DTNA: variants seen among roughly 807,000 people sequenced by gnomAD.
DTNA encodes the protein dystrophin-related protein 3.
In DTNA, 43 loss-of-function variants were observed where a neutral mutation model predicts 100.7. That is an observed-to-expected ratio of 0.43 (90% CI 0.33 to 0.55). The LOEUF is 0.55. Among genes scored for constraint, DTNA ranks in the 20% least tolerant of loss-of-function variants. The probability of loss-of-function intolerance (pLI) is 0.04; values close to 1 mark genes in which losing one functional copy is unlikely to be tolerated. For synonymous variants in DTNA, 349 were observed against 347.9 expected (o/e 1.00, Z -0.04); for missense variants, 798 against 953.9 (o/e 0.84, Z 2.15).
At chr18:34,774,753 G>A (rs142408044) in intron 3 of DTNA, among the ~76,000 whole-genome samples, 324 of 152,286 alleles carry the variant, frequency 2.1e-3, no homozygotes, top group African/African-American at 7.6e-3. Context: ...AAGCAAAAGA[G>A]AGATAGAAGT....
At chr18:34,721,820 C>A (rs1239731905) in intron 1 of DTNA, among the ~76,000 whole-genome samples, 2 of 152,178 alleles carry the variant, frequency 1.3e-5, no homozygotes, top group Non-Finnish European at 2.9e-5. Context: ...CCTTCCCTTA[C>A]CTGACATTGC....
At chr18:34,675,532 G>T (rs1167122473) in intron 1 of DTNA, among the ~76,000 whole-genome samples, 1 of 152,008 alleles carries the variant, frequency 6.6e-6, no homozygotes, top group Non-Finnish European at 1.5e-5. Context: ...AAGGGTAAGA[G>T]AAAGGAAATT....
intron 1 of DTNA, among the ~76,000 whole-genome samples, chr18:34,498,493 TA>T (rs1295100637): frequency 6.8e-6 from 1 of 147,944 alleles, no homozygotes; most frequent in Admixed American, 6.8e-5. Context: ...TTTAATCACC[TA>T]AAAATGATTT....
At chr18:34,679,330 C>T (rs1030646495) in intron 1 of DTNA, 4 of 152,142 alleles carry the variant, frequency 2.6e-5, no homozygotes, top group African/African-American at 9.7e-5. Flanking sequence ...TTCTAAATTG[C>T]ATACGTTATT....
intron 1 of DTNA, among the ~76,000 whole-genome samples, chr18:34,497,898 A>C (rs1206493009): frequency 6.6e-6 from 1 of 152,214 alleles, no homozygotes; most frequent in Non-Finnish European, 1.5e-5. Context: ...AATTTTTAAA[A>C]TCAAAAGTAC....
intron 2 of DTNA, among the ~76,000 whole-genome samples, chr18:34,761,517 G>A (rs550125656): frequency 3.3e-5 from 5 of 152,168 alleles, no homozygotes; most frequent in Non-Finnish European, 7.4e-5. Context: ...GGAGAGAGAG[G>A]GAAGTAGGGA....
intron 12 of DTNA, 58 bp from the exon 13 acceptor site, chr18:34,838,687 A>T: frequency 6.9e-7 from 1 of 1,455,066 alleles, no homozygotes; most frequent in Non-Finnish European, 9.7e-7. Flanking sequence ...TACCTCCTCT[A>T]CTTATTTCTG....
intron 1 of DTNA, among the ~76,000 whole-genome samples, chr18:34,736,500 A>G (rs2089621167): frequency 6.6e-6 from 1 of 152,190 alleles, no homozygotes; most frequent in African/African-American, 2.4e-5. Flanking sequence ...AGATAAGAAG[A>G]AAAAATGGAA....
intron 15 of DTNA, among the ~76,000 whole-genome samples, chr18:34,853,754 T>C (rs1258356626): frequency 6.6e-6 from 1 of 152,108 alleles, no homozygotes; most frequent in East Asian, 1.9e-4. Flanking sequence ...AAAGAGCAGA[T>C]GCATAGTGAC....
chr18:34,817,992 A>G, intron 7 of DTNA, 172 bp from the exon 8 acceptor site: 3 of 1,508,824 alleles, frequency 2.0e-6, no homozygotes, highest in Non-Finnish European at 2.7e-6. Context: ...GCATGATTGA[A>G]AAGGGTTGTA....
chr18:34,537,383 A>G (rs2043818706), intron 1 of DTNA, among the ~76,000 whole-genome samples: 1 of 152,036 alleles, frequency 6.6e-6, no homozygotes, highest in Non-Finnish European at 1.5e-5. Flanking sequence ...TGAATATCAC[A>G]AGAAAAGTCA....
chr18:34,777,009 C>T (rs754603641), intron 3 of DTNA, among the ~76,000 whole-genome samples: 1 of 152,234 alleles, frequency 6.6e-6, no homozygotes, highest in Non-Finnish European at 1.5e-5. Context: ...TCTTTGCTCA[C>T]TTGTCATCTT....
intron 1 of DTNA, among the ~76,000 whole-genome samples, chr18:34,702,199 C>T (rs2081473462): frequency 6.6e-6 from 1 of 152,134 alleles, no homozygotes; most frequent in African/African-American, 2.4e-5. Flanking sequence ...TCCCTCGCCT[C>T]CTTTTTCACA....
intron 4 of DTNA, among the ~76,000 whole-genome samples, chr18:34,802,277 C>T (rs1377714188): frequency 6.6e-6 from 1 of 152,206 alleles, no homozygotes; most frequent in Non-Finnish European, 1.5e-5. Flanking sequence ...TCCATCGGTG[C>T]AGTTTTACTA....
chr18:34,648,799 ATAGAT>A (rs929256886), intron 1 of DTNA, among the ~76,000 whole-genome samples: 10 of 152,258 alleles, frequency 6.6e-5, no homozygotes, highest in African/African-American at 1.7e-4. Flanking sequence ...TCTTCAAGAA[ATAGAT>A]TAGGTAAGTT....
intron 18 of DTNA, among the ~76,000 whole-genome samples, chr18:34,876,561 T>C (rs996345932): frequency 1.3e-5 from 2 of 152,186 alleles, no homozygotes; most frequent in Non-Finnish European, 2.9e-5. Context: ...TACAGAAATA[T>C]AAATTTTAAT....
chr18:34,856,848 G>C (rs1449484797), intron 15 of DTNA, among the ~76,000 whole-genome samples: 1 of 152,184 alleles, frequency 6.6e-6, no homozygotes, highest in Non-Finnish European at 1.5e-5. Context: ...CAGAGCTGTT[G>C]CTCTCTTTTC....
At position 34,836,635 on chromosome 18, in the gene DTNA, G is replaced by A. The variant is rs899482887; in HGVS notation, c.1176-1459G>A. 2.3e-4 allele frequency among the ~76,000 whole-genome samples: 32 copies of A among 138,486 alleles called. 1 individual carries two copies. In the South Asian group the frequency reaches 5.0e-3, roughly 22 times the overall value. 90.9% of individuals were successfully genotyped at this position (138,486 alleles called of 152,430 possible). On this transcript the variant is annotated intron_variant, in intron 11 of 22. Coordinates refer to ENST00000444659, the MANE Select transcript of DTNA (RefSeq NM_001386795.1). Reference sequence around the variant, plus strand: ...TGCACTCCAGCCTGTGCAACAGAGCGAGACTCTGTCTCAAAAAAAAAAAAA... The same window carrying A: ...TGCACTCCAGCCTGTGCAACAGAGCAAGACTCTGTCTCAAAAAAAAAAAAA...
intron 18 of DTNA, 68 bp downstream of exon 18, chr18:34,875,466 T>G: frequency 1.2e-6 from 2 of 1,607,300 alleles, no homozygotes; most frequent in Non-Finnish European, 1.7e-6. Flanking sequence ...GTCTATTGAG[T>G]GGTCAAGAGT....
Sources: allele counts gnomAD v4.1 joint callset (sites outside exome capture counted in the v4.1 genomes callset), GRCh38; gene constraint gnomAD v4.1.1; transcripts MANE v1.5; gene names NCBI Gene and HGNC (gene_info 2026-07-23, HGNC 2026-07-21).